Variants in PLD2 observed in about 807,000 individuals in gnomAD.
PLD2 encodes the protein choline phosphatase 2.
Under a neutral mutation model 119.8 loss-of-function variants are expected in PLD2, and 101 were observed. The ratio of observed to expected loss-of-function variants is 0.84; its 90% CI spans 0.72 to 0.99. The LOEUF is 0.99. Ranked by LOEUF, PLD2 falls within the 50% of genes least tolerant of loss-of-function variation. The pLI is 0.00. For missense variants in PLD2, 1,164 were observed against 1,226.8 expected (o/e 0.95, Z 0.76); for synonymous variants, 494 against 482.8 (o/e 1.02, Z -0.30).
Position 4,809,141 on chromosome 17 carries a change from G to C in PLD2, c.425G>C (p.Arg142Thr). 1 of 1,614,172 alleles carries C rather than the reference G, an allele frequency of 6.2e-7. No homozygotes were observed. Among genetic ancestry groups the C allele is most frequent in the Non-Finnish European group, 8.5e-7 (1 of 1,180,014 alleles). Residue 142 changes from arginine (R) to threonine (T), a missense_variant, in exon 5 of 25, where the codon AGA (arginine) becomes ACA (threonine). By Grantham distance (71) the Arg-to-Thr change is moderately conservative. Transcript: ENST00000263088. ...AYSPARDAGN[R>T]EMPSLPRAGP... ...TCTCCAGCCCGAGATGCAGGCAACA[G>C]AGAGATGCCCTCTCTACCCCGGGCA...
chr17:4,817,118 T>C lies in PLD2; in HGVS notation c.1702-28T>C, dbSNP rs1227712614. On this transcript the variant is annotated intron_variant, in intron 16 of 24. Transcript: ENST00000263088. Reference sequence around the variant, plus strand: ...GGAGCCAGGGCAGATTGGCACCTCCTGCTGACTCTGCCATCCCTCCACGTC... The same window carrying C: ...GGAGCCAGGGCAGATTGGCACCTCCCGCTGACTCTGCCATCCCTCCACGTC... 8 of 1,599,120 alleles carry C rather than the reference T, an allele frequency of 5.0e-6. No individual in the cohort carries two copies. The East Asian group carries it at 1.6e-4, about 31-fold the overall frequency.
intron 18 of PLD2, 68 bp from the exon 19 acceptor site, chr17:4,818,229 C>T: frequency 6.7e-7 from 1 of 1,492,612 alleles, no homozygotes; most frequent in African/African-American, 1.4e-5. Context: ...AGCCTGGGAC[C>T]AAGGCTGGAG....
At chr17:4,822,505 AGAG>A (rs1907783298) in intron 24 of PLD2, 132 bp from the exon 25 acceptor site, 7 of 592,880 alleles carry the variant, frequency 1.2e-5, no homozygotes, top group East Asian at 1.1e-4. Flanking sequence ...AAAAAAAAAG[AGAG>A]AGAGAGTTAG....
In PLD2 at chr17:4,809,223, G is replaced by C. The variant is rs1238008185; in HGVS notation, c.489+18G>C. ...GCAAACAGGTGGGACCAGATGCCAG[G>C]TCCTCCGGGAAGGCATTGGAGGTGC... On this transcript the variant is annotated intron_variant, in intron 5 of 24. Coordinates refer to ENST00000263088, the MANE Select transcript of PLD2 (RefSeq NM_002663.5). 2 of 1,613,052 alleles carry C rather than the reference G, an allele frequency of 1.2e-6. No homozygotes were observed. Among genetic ancestry groups the C allele is most frequent in the South Asian group, 2.2e-5 (2 of 91,056 alleles).
intron 18 of PLD2, 56 bp downstream of exon 18, chr17:4,818,162 C>G (rs1328828091): frequency 6.9e-7 from 1 of 1,450,106 alleles, no homozygotes; most frequent in South Asian, 1.1e-5. Context: ...GGAGAGAGAC[C>G]TGGGGAATGA....
At chr17:4,809,414 G>A (rs563343993) in intron 6 of PLD2, 51 bp downstream of exon 6, 105 of 1,612,306 alleles carry the variant, frequency 6.5e-5, no homozygotes, top group Middle Eastern at 4.9e-4. Context: ...TCAGACCCTC[G>A]GGGAGGAGGG....
Position 4,809,991 on chromosome 17 carries a change from G to A in PLD2, c.822G>A (p.Thr274=), listed in dbSNP as rs199799976. ...AGGTGCAAGTGGGGAAAAGGAGCAC[G>A]GAGGCACGGCACGGCGTGCGGATCG... is the stretch of plus-strand genomic sequence containing the variant. ...GFEVQVGKRS[T]EARHGVRIDT... The change falls in exon 9 of 25, where the codon ACG becomes ACA. Residue 274 remains threonine, a synonymous_variant. Coordinates refer to ENST00000263088, the MANE Select transcript of PLD2 (RefSeq NM_002663.5). 1.6e-5 allele frequency: 26 copies of A among 1,613,888 alleles called. No homozygotes were observed. The highest frequency in any genetic ancestry group is 1.3e-4 in the East Asian group (6 of 44,880).
chr17:4,822,928 C>A lies in PLD2; in HGVS notation c.*64C>A. 1.1e-6 allele frequency: 1 copy of A among 909,928 alleles called. No homozygotes were observed. The highest frequency in any genetic ancestry group is 1.5e-5 in the South Asian group (1 of 66,454). The allele number at this position is 909,928 out of a possible 1,614,324, so 56.4% of individuals were successfully genotyped here. A position where few individuals can be genotyped will look rare whatever the true frequency, so the allele number is the denominator to read the frequency against. ...CCCCACCACGTCTGGCTCCCTGCCC[C>A]TTAACCCCAAGGACTGAGGGCAGTG... On this transcript the variant is annotated 3_prime_UTR_variant, in exon 25 of 25. Transcript: ENST00000263088.
Position 4,818,560 on chromosome 17 carries a change from C to G in PLD2, c.2076C>G (p.Ser692=). 1.2e-6 allele frequency: 2 copies of G among 1,614,020 alleles called. No individual in the cohort carries two copies. The highest frequency in any genetic ancestry group is 1.7e-6 in the Non-Finnish European group (2 of 1,179,962). The change falls in exon 20 of 25, where the codon TCC becomes TCG. Residue 692 remains serine (S), a synonymous_variant. Coordinates refer to ENST00000263088, the MANE Select transcript of PLD2 (RefSeq NM_002663.5). The part of the protein sequence containing the change: ...PLLPGFEGDI[S]TGGGNSIQAI... ...TCCCTGGCTTCGAGGGTGACATCTC[C>G]ACGGGCGGTGGCAACTCCATCCAGG...
chr17:4,809,159 C>T lies in PLD2; in HGVS notation c.443C>T (p.Pro148Leu), dbSNP rs749320592. The T allele has an allele frequency of 1.9e-6, 3 of 1,614,042 alleles. No individual in the cohort carries two copies. Among genetic ancestry groups the T allele is most frequent in the Non-Finnish European group, 2.5e-6 (3 of 1,180,026 alleles). ...GGCAACAGAGAGATGCCCTCTCTAC[C>T]CCGGGCAGGTCCTGAGGGCTCCACC... ...DAGNREMPSL[P>L]RAGPEGSTRH... Residue 148 changes from proline (P) to leucine (L), a missense_variant, in exon 5 of 25, where the codon CCC (proline) becomes CTC (leucine). Physicochemically the swap from Pro to Leu is moderately conservative, Grantham distance 98. Coordinates refer to ENST00000263088, the MANE Select transcript of PLD2 (RefSeq NM_002663.5).
In PLD2 at chr17:4,808,821, C is replaced by T. The variant is rs1906134839; in HGVS notation, c.384-279C>T. Among the ~76,000 whole-genome samples the T allele has an allele frequency of 6.6e-6, 1 of 152,114 alleles. No homozygotes were observed. Among genetic ancestry groups the T allele is most frequent in the South Asian group, 2.1e-4 (1 of 4,834 alleles). On this transcript the variant is annotated intron_variant, in intron 4 of 24. Transcript: ENST00000263088. The surrounding 1 kb of genome is among the most constrained non-coding windows in gnomAD (Gnocchi z 4.1). The stretch of plus-strand genomic sequence containing the variant: ...GCTCAAGCAGTCCTCCCGTCTCAGC[C>T]TCCAGAGTAGCTAGGACCACAGCCA...
At chr17:4,818,846 T>G in intron 21 of PLD2, 23 bp downstream of exon 21, 1 of 1,610,932 alleles carries the variant, frequency 6.2e-7, no homozygotes, top group Non-Finnish European at 8.5e-7. Flanking sequence ...GGCTGGGGGC[T>G]CAAGCCCTGG....
intron 11 of PLD2, 27 bp downstream of exon 11, chr17:4,814,528 TG>T: frequency 1.2e-6 from 2 of 1,612,768 alleles, no homozygotes; most frequent in Non-Finnish European, 1.7e-6. Context: ...CCCAACAACA[TG>T]GGGCAGGATA....
At chr17:4,817,299 C>A in intron 17 of PLD2, 40 bp downstream of exon 17, 1 of 1,312,476 alleles carries the variant, frequency 7.6e-7, no homozygotes, top group South Asian at 1.2e-5. Context: ...CCTTTGTCTC[C>A]TTCAGCCTAA....
chr17:4,819,052 C>G lies in PLD2; in HGVS notation c.2174-32C>G. Reference sequence around the variant, plus strand: ...ACAGGGCCCTGTGCACACAGAGCCACCTCTCACCTCACTTCCCCTCCTGTC... The same window carrying G: ...ACAGGGCCCTGTGCACACAGAGCCAGCTCTCACCTCACTTCCCCTCCTGTC... On this transcript the variant is annotated intron_variant, in intron 21 of 24. Coordinates refer to ENST00000263088, the MANE Select transcript of PLD2 (RefSeq NM_002663.5). This position sits in a 1 kb window ranked among gnomAD's most constrained non-coding sequence, Gnocchi z 4.2. The G allele has an allele frequency of 3.1e-6, 5 of 1,612,504 alleles. No homozygotes were observed. Among genetic ancestry groups the G allele is most frequent in the Middle Eastern group, 1.7e-4 (1 of 6,048 alleles).
At position 4,809,594 on chromosome 17, in the gene PLD2, C is replaced by G. The variant is rs141715190; in HGVS notation, c.614+43C>G. ...TTCACCCAGGCATCCGTAGACATCA[C>G]TCTTAATTTCTCCCTGCCTGAGATT... On this transcript the variant is annotated intron_variant, in intron 7 of 24. Coordinates refer to ENST00000263088, the MANE Select transcript of PLD2 (RefSeq NM_002663.5). 1,890 of 1,608,666 alleles carry G rather than the reference C, an allele frequency of 1.2e-3. 16 individuals are homozygous for G. The African/African-American group carries it at 0.015, about 13-fold the overall frequency.
intron 15 of PLD2, 65 bp downstream of exon 15, chr17:4,816,811 C>G: frequency 2.5e-6 from 4 of 1,611,524 alleles, no homozygotes; most frequent in Non-Finnish European, 3.4e-6. Flanking sequence ...GGGGCTGGTA[C>G]TGAGAGTGGG....
Position 4,808,198 on chromosome 17 carries a change from G to A in PLD2, c.241-76G>A. The A allele has an allele frequency of 6.3e-7, 1 of 1,592,916 alleles. No individual in the cohort carries two copies. Among genetic ancestry groups the A allele is most frequent in the East Asian group, 2.2e-5 (1 of 44,600 alleles). On this transcript the variant is annotated intron_variant, in intron 3 of 24. Coordinates refer to ENST00000263088, the MANE Select transcript of PLD2 (RefSeq NM_002663.5). This position sits in a 1 kb window ranked among gnomAD's most constrained non-coding sequence, Gnocchi z 4.1. ...TGGCTGGGCTGGCCCCAGGGAAGGG[G>A]CAAAAGGAGGGCTGGCCAGAGTGGG...
Position 4,819,725 on chromosome 17 carries a change from C to A in PLD2, c.2462+143C>A, listed in dbSNP as rs570730184. ...GATTCTCAATAGGCAAGGCTGGGCG[C>A]GGCAGCTCACGCCTCTAATCCCAGC... On this transcript the variant is annotated intron_variant, in intron 23 of 24. Coordinates refer to ENST00000263088, the MANE Select transcript of PLD2 (RefSeq NM_002663.5). This position sits in a 1 kb window ranked among gnomAD's most constrained non-coding sequence, Gnocchi z 4.2. The A allele has an allele frequency of 7.4e-6, 6 of 812,896 alleles. No homozygotes were observed. Among genetic ancestry groups the A allele is most frequent in the African/African-American group, 7.0e-5 (4 of 57,422 alleles). The allele number at this position is 812,896 out of a possible 1,614,324, so 50.4% of individuals were successfully genotyped here.
Sources: allele counts gnomAD v4.1 joint callset (sites outside exome capture counted in the v4.1 genomes callset), GRCh38; gene constraint gnomAD v4.1.1; non-coding constraint Gnocchi (gnomAD v3.1); transcripts MANE v1.5; gene names NCBI Gene and HGNC (gene_info 2026-07-23, HGNC 2026-07-21).